The following NKX2-2 variants were observed in gnomAD, a reference collection of about 807,000 sequenced individuals.
NKX2-2 encodes the protein NK2 homeobox 2.
In NKX2-2, 8 loss-of-function variants were observed where a neutral mutation model predicts 24.6. That is an observed-to-expected ratio of 0.32 (90% CI 0.19 to 0.59). The LOEUF (loss-of-function observed/expected upper bound fraction) is 0.59. Among genes scored for constraint, NKX2-2 ranks in the 20% least tolerant of loss-of-function variants. NKX2-2 has a pLI of 0.86. For missense variants in NKX2-2, 381 were observed against 373.9 expected (o/e 1.02, Z -0.16); for synonymous variants, 217 against 173.3 (o/e 1.25, Z -1.98).
chr20:21,515,221 C>A (rs1366884905), upstream of NKX2-2, among the ~76,000 whole-genome samples: 1 of 151,038 alleles, frequency 6.6e-6, no homozygotes, highest in African/African-American at 2.4e-5. Flanking sequence ...CCTCTCCAGC[C>A]TCTGGCTAGA....
At chr20:21,520,648 T>C in the NKX2-2 span, among the ~76,000 whole-genome samples, 2 of 152,164 alleles carry the variant, frequency 1.3e-5, no homozygotes, top group Non-Finnish European at 2.9e-5. Flanking sequence ...TTTAAAAACC[T>C]AGCTTTAAGC....
upstream of NKX2-2, among the ~76,000 whole-genome samples, chr20:21,516,499 G>C (rs1229511529): frequency 1.3e-5 from 2 of 151,784 alleles, no homozygotes; most frequent in Non-Finnish European, 2.9e-5. Flanking sequence ...GAGGGAAGTT[G>C]GTTCTCCAGG....
chr20:21,520,972 T>G, the NKX2-2 span, among the ~76,000 whole-genome samples: 1 of 152,006 alleles, frequency 6.6e-6, no homozygotes, highest in Non-Finnish European at 1.5e-5. Context: ...CCACAAGACT[T>G]TGGAAAACAA....
Position 21,511,303 on chromosome 20 carries a change from T to G in NKX2-2, c.*620A>C, listed in dbSNP as rs1186788935. ...CCCAAACAAGCCACAAAGAAAGGAGTTGGACCCAGACGGGAAACAGGCCGG... is the reference window on the plus strand; with the variant it reads ...CCCAAACAAGCCACAAAGAAAGGAGGTGGACCCAGACGGGAAACAGGCCGG... On this transcript the variant is annotated 3_prime_UTR_variant, in exon 2 of 2. Coordinates refer to ENST00000377142, the MANE Select transcript of NKX2-2 (RefSeq NM_002509.4). 1 of 146,960 alleles carries G rather than the reference T, an allele frequency of 6.8e-6. No homozygotes were observed. Among genetic ancestry groups the G allele is most frequent in the South Asian group, 2.1e-4 (1 of 4,662 alleles). 9.1% of individuals were successfully genotyped at this position (146,960 alleles called of 1,614,324 possible). A position where few individuals can be genotyped will look rare whatever the true frequency, so the allele number is the denominator to read the frequency against.
rs1481532275 is a variant in NKX2-2, at chr20:21,511,973, G to C, written c.772C>G (p.Gln258Glu). 2 of 1,609,906 alleles carry C rather than the reference G, an allele frequency of 1.2e-6. No individual in the cohort carries two copies. Among genetic ancestry groups the C allele is most frequent in the Admixed American group, 1.7e-5 (1 of 59,988 alleles). The change falls in exon 2 of 2, where the codon CAG (glutamine) becomes GAG (glutamate). Residue 258 changes from glutamine to glutamate, a missense_variant. By Grantham distance (29) the Gln-to-Glu change is conservative. Coordinates refer to ENST00000377142, the MANE Select transcript of NKX2-2 (RefSeq NM_002509.4). ...NAQYSSASTP[Q>E]YPTAHPLVQA... ...ACCAGGGGGTGTGCTGTCGGGTACT[G>C]GGGGGTGCTGGCCGAGCTGTACTGG...
chr20:21,515,645 C>T (rs898277981), upstream of NKX2-2, among the ~76,000 whole-genome samples: 3 of 150,626 alleles, frequency 2.0e-5, no homozygotes, highest in Non-Finnish European at 4.4e-5. Context: ...GCTCGTTCGC[C>T]CCAGAGGAGT....
chr20:21,511,089 C>G lies in NKX2-2; in HGVS notation c.*834G>C, dbSNP rs1021368609. 6.6e-6 allele frequency: 1 copy of G among 152,626 alleles called. No individual in the cohort carries two copies. Among genetic ancestry groups the G allele is most frequent in the Non-Finnish European group, 1.5e-5 (1 of 68,048 alleles). The allele number at this position is 152,626 out of a possible 1,614,324, so 9.5% of individuals were successfully genotyped here. On this transcript the variant is annotated 3_prime_UTR_variant, in exon 2 of 2. Coordinates refer to ENST00000377142, the MANE Select transcript of NKX2-2 (RefSeq NM_002509.4). ...AAAATCGAAAGCTTTCTGCGCCCGGCGCTGTTGGGGAACCGCGCCGAATAG... is the reference window on the plus strand; with the variant it reads ...AAAATCGAAAGCTTTCTGCGCCCGGGGCTGTTGGGGAACCGCGCCGAATAG...
At chr20:21,515,254 G>A (rs980649081), upstream of NKX2-2, among the ~76,000 whole-genome samples, 3 of 151,962 alleles carry the variant, frequency 2.0e-5, no homozygotes, top group African/African-American at 4.8e-5. Flanking sequence ...GGAAGGCGGC[G>A]GGGCGGGATT....
In NKX2-2 at chr20:21,513,282, T is replaced by A; in HGVS notation, c.259+129A>T. The A allele has an allele frequency of 1.0e-6, 1 of 1,004,570 alleles. No individual in the cohort carries two copies. The highest frequency in any genetic ancestry group is 3.0e-5 in the East Asian group (1 of 33,810). 62.2% of individuals were successfully genotyped at this position (1,004,570 alleles called of 1,614,324 possible). On this transcript the variant is annotated intron_variant, in intron 1 of 1. Coordinates refer to ENST00000377142, the MANE Select transcript of NKX2-2 (RefSeq NM_002509.4). This position sits in a 1 kb window ranked among gnomAD's most constrained non-coding sequence, Gnocchi z 4.6. ...ATCCTATACAGGTGTTAAAAATCTT[T>A]CTACGGATCCGAGTGAGGGGGTCCG...
In NKX2-2 at chr20:21,513,909, C is replaced by T. The variant is rs1980536801; in HGVS notation, c.-240G>A. 3.1e-6 allele frequency: 1 copy of T among 319,430 alleles called. No homozygotes were observed. Among genetic ancestry groups the T allele is most frequent in the East Asian group, 4.9e-5 (1 of 20,226 alleles). 19.8% of individuals were successfully genotyped at this position (319,430 alleles called of 1,614,324 possible). A position where few individuals can be genotyped will look rare whatever the true frequency, so the allele number is the denominator to read the frequency against. On this transcript the variant is annotated 5_prime_UTR_variant, in exon 1 of 2. The change creates a new upstream start codon in the 5' untranslated region. Transcript: ENST00000377142. The surrounding 1 kb of genome is among the most constrained non-coding windows in gnomAD (Gnocchi z 4.6). ...CCTCTCTCTGTCTTCTTTGAAAGCA[C>T]GCGGAAATGGACGCAGGAAGCCGGG...
At chr20:21,516,704 C>G (rs995796665), upstream of NKX2-2, among the ~76,000 whole-genome samples, 1 of 152,194 alleles carries the variant, frequency 6.6e-6, no homozygotes, top group Non-Finnish European at 1.5e-5. Flanking sequence ...TCCAGGGCAG[C>G]CACTAGGTTG....
At chr20:21,517,496 C>T (rs542202905), upstream of NKX2-2, among the ~76,000 whole-genome samples, 3 of 152,334 alleles carry the variant, frequency 2.0e-5, no homozygotes, top group South Asian at 6.2e-4. Context: ...AGAGCGTTAA[C>T]ATTTGCAATT....
chr20:21,515,494 C>A (rs1162328279), upstream of NKX2-2, among the ~76,000 whole-genome samples: 1 of 152,134 alleles, frequency 6.6e-6, no homozygotes, highest in Non-Finnish European at 1.5e-5. Context: ...CCACTCTCGG[C>A]TCTGGGAACT....
chr20:21,520,876 A>G, the NKX2-2 span, among the ~76,000 whole-genome samples: 1 of 152,218 alleles, frequency 6.6e-6, no homozygotes. Flanking sequence ...CGATTTCAAT[A>G]CGGGAGATCT....
In NKX2-2 at chr20:21,512,420, C is replaced by A; in HGVS notation, c.325G>T (p.Asp109Tyr). ...SSSKSPEPSA[D>Y]ESPDNDKETP... ...TCCTTGTCATTGTCCGGTGACTCGT[C>A]GGCCGAGGGCTCCGGGGACTTGGAG... Residue 109 changes from aspartate to tyrosine, a missense_variant, in exon 2 of 2, where the codon GAC becomes TAC. Transcript: ENST00000377142. 1 of 1,594,034 alleles carries A rather than the reference C, an allele frequency of 6.3e-7. No individual in the cohort carries two copies. Among genetic ancestry groups the A allele is most frequent in the Non-Finnish European group, 8.5e-7 (1 of 1,175,152 alleles).
At chr20:21,519,060 C>T (rs982594200), upstream of NKX2-2, among the ~76,000 whole-genome samples, 3 of 152,132 alleles carry the variant, frequency 2.0e-5, no homozygotes, top group African/African-American at 7.2e-5. Context: ...AAAGAGGGGG[C>T]GACCTTGAGG....
upstream of NKX2-2, among the ~76,000 whole-genome samples, chr20:21,516,026 C>A (rs1178982308): frequency 1.3e-5 from 2 of 152,194 alleles, no homozygotes; most frequent in Admixed American, 6.5e-5. Flanking sequence ...GGACAATGAG[C>A]GAAATGTAGA....
In NKX2-2 at chr20:21,512,159, G is replaced by A. The variant is rs1445730525; in HGVS notation, c.586C>T (p.Pro196Ser). The change falls in exon 2 of 2, where the codon CCC (proline) becomes TCC (serine). Residue 196 changes from proline (P) to serine (S), a missense_variant. Coordinates refer to ENST00000377142, the MANE Select transcript of NKX2-2 (RefSeq NM_002509.4). ...GCCACCCGGCGCGGCGAGGGCAGGG[G>A]CGTCACCTCCATACCTTTCTCGGCC... The part of the protein sequence containing the change: ...ARAEKGMEVT[P>S]LPSPRRVAVP... 3 of 1,613,862 alleles carry A rather than the reference G, an allele frequency of 1.9e-6. No homozygotes were observed. The highest frequency in any genetic ancestry group is 2.5e-6 in the Non-Finnish European group (3 of 1,179,924).
At chr20:21,520,004 G>GT in the NKX2-2 span, among the ~76,000 whole-genome samples, 942 of 147,876 alleles carry the variant, frequency 6.4e-3, 3 homozygotes, top group African/African-American at 0.015. Context: ...CCTAAGGTGA[G>GT]TTTTTTTTTT....
Sources: allele counts gnomAD v4.1 joint callset (sites outside exome capture counted in the v4.1 genomes callset), GRCh38; gene constraint gnomAD v4.1.1; non-coding constraint Gnocchi (gnomAD v3.1); transcripts MANE v1.5; gene names NCBI Gene and HGNC (gene_info 2026-07-23, HGNC 2026-07-21).